PARD3B: variants seen among roughly 807,000 people sequenced by gnomAD.
The protein encoded by PARD3B is par-3 family cell polarity regulator beta.
Under a neutral mutation model 130.2 loss-of-function variants are expected in PARD3B, and 103 were observed. The ratio of observed to expected loss-of-function variants is 0.79; its 90% CI spans 0.67 to 0.93. The LOEUF (loss-of-function observed/expected upper bound fraction) is 0.93, where lower values mean the gene tolerates loss of function less well. PARD3B is among the 40% of genes least tolerant of loss of function. The probability of loss-of-function intolerance (pLI) is 0.00; values close to 1 mark genes in which losing one functional copy is unlikely to be tolerated. For synonymous variants in PARD3B, 583 were observed against 553.2 expected, an observed-to-expected ratio of 1.05 and a Z score of -0.76; for missense variants, 1,609 against 1,499.2, an observed-to-expected ratio of 1.07 and a Z score of -1.21.
chr2:205,088,544 C>T lies in PARD3B; in HGVS notation c.505-15882C>T, dbSNP rs181160668. Among the ~76,000 whole-genome samples, 6 of 152,222 alleles carry T rather than the reference C, an allele frequency of 3.9e-5. No homozygotes were observed. The East Asian group carries it at 1.2e-3, about 29-fold the overall frequency. On this transcript the variant is annotated intron_variant, in intron 4 of 22. Coordinates refer to ENST00000406610, the MANE Select transcript of PARD3B (RefSeq NM_001302769.2). ...CCATTTGGACCATAGCCACAGAATT[C>T]AGAGGAAGAGAAAACTATGTTAAGT...
In PARD3B at chr2:204,675,900, TG is replaced by T. The variant is rs556976382; in HGVS notation, c.121-10280del. 2.6e-3 allele frequency among the ~76,000 whole-genome samples: 401 copies of T among 152,334 alleles called. No homozygotes were observed. Among genetic ancestry groups the T allele is most frequent in the Non-Finnish European group, 5.0e-3 (340 of 68,022 alleles). Reference sequence around the variant, plus strand: ...TGGTGCTTTTATATTGCAATTATTTTGTTTAGAATTATACATCAGAAGAAAA... The same window carrying T: ...TGGTGCTTTTATATTGCAATTATTTTTTTAGAATTATACATCAGAAGAAAA... On this transcript the variant is annotated intron_variant, in intron 1 of 22. Coordinates refer to ENST00000406610, the MANE Select transcript of PARD3B (RefSeq NM_001302769.2). The surrounding 1 kb of genome is among the most constrained non-coding windows in gnomAD (Gnocchi z 4.4).
intron 22 of PARD3B, among the ~76,000 whole-genome samples, chr2:205,557,986 A>C (rs187015227): frequency 6.6e-6 from 1 of 152,274 alleles, no homozygotes; most frequent in African/African-American, 2.4e-5. Context: ...CAGCACCTGC[A>C]TGGGGATATG....
intron 2 of PARD3B, among the ~76,000 whole-genome samples, chr2:204,755,723 A>G (rs946507644): frequency 2.0e-5 from 3 of 152,130 alleles, no homozygotes; most frequent in Non-Finnish European, 2.9e-5. Flanking sequence ...TTTCAGGGCC[A>G]AGAGTTATTC....
At chr2:204,875,943 G>A (rs1170381813) in intron 2 of PARD3B, among the ~76,000 whole-genome samples, 3 of 152,156 alleles carry the variant, frequency 2.0e-5, no homozygotes, top group African/African-American at 7.2e-5. Flanking sequence ...GTAGGCTTTC[G>A]TCAAAGCCTC....
intron 22 of PARD3B, among the ~76,000 whole-genome samples, chr2:205,565,502 T>G (rs1455666074): frequency 6.6e-6 from 1 of 152,226 alleles, no homozygotes; most frequent in African/African-American, 2.4e-5. Flanking sequence ...CTGGATGTGG[T>G]ATCTGTAATG....
intron 19 of PARD3B, among the ~76,000 whole-genome samples, chr2:205,425,605 G>A (rs1325102217): frequency 6.6e-6 from 1 of 151,254 alleles, no homozygotes; most frequent in Non-Finnish European, 1.5e-5. Flanking sequence ...CTTGGTTCCA[G>A]GCCATGTAGG....
At position 205,176,501 on chromosome 2, in the gene PARD3B, T is replaced by C; in HGVS notation, c.1848T>C (p.Ala616=). 1 of 1,612,940 alleles carries C rather than the reference T, an allele frequency of 6.2e-7. No individual in the cohort carries two copies. Residue 616 remains alanine (A), a synonymous_variant, in exon 13 of 23, where the codon GCT becomes GCC. Transcript: ENST00000406610. This position sits in a 1 kb window ranked among gnomAD's most constrained non-coding sequence, Gnocchi z 5.3. ...SKPCFENCQN[A]VTTSRRNDNS... is the part of the protein sequence containing the mutation. ...CATGCTTTGAGAACTGTCAAAATGC[T>C]GTAACCACCTCTAGGCGAAATGATA...
chr2:204,734,447 T>A (rs763642042), intron 2 of PARD3B, among the ~76,000 whole-genome samples: 23 of 152,172 alleles, frequency 1.5e-4, no homozygotes, highest in Non-Finnish European at 2.9e-4. Context: ...CAAATAGCAG[T>A]AAGTGAATGT....
intron 20 of PARD3B, among the ~76,000 whole-genome samples, chr2:205,488,671 G>A (rs772664333): frequency 2.6e-5 from 4 of 152,226 alleles, no homozygotes; most frequent in Admixed American, 6.5e-5. Context: ...ATCCTTAAAC[G>A]CTGAAATGAT....
chr2:204,924,099 A>T (rs1687402771), intron 2 of PARD3B, among the ~76,000 whole-genome samples: 1 of 152,072 alleles, frequency 6.6e-6, no homozygotes, highest in Non-Finnish European at 1.5e-5. Flanking sequence ...TGAGCAAATC[A>T]GATCTTATGA....
chr2:205,197,787 T>C (rs969813406), intron 15 of PARD3B, among the ~76,000 whole-genome samples: 18 of 152,182 alleles, frequency 1.2e-4, no homozygotes, highest in African/African-American at 3.6e-4. Flanking sequence ...TTTTCCCTAT[T>C]TATTTAAATT....
chr2:204,857,163 C>A (rs560186805), intron 2 of PARD3B, among the ~76,000 whole-genome samples: 1 of 152,312 alleles, frequency 6.6e-6, no homozygotes, highest in African/African-American at 2.4e-5. Flanking sequence ...TGCTGCATAT[C>A]AATCCCCTGG....
chr2:204,732,170 A>T (rs73059099), intron 2 of PARD3B, among the ~76,000 whole-genome samples: 3 of 151,946 alleles, frequency 2.0e-5, no homozygotes, highest in African/African-American at 7.3e-5. Flanking sequence ...CTTATTAGAT[A>T]TAAAGCATTC....
rs1000250783 is a variant in PARD3B at position 204,878,022 on chromosome 2, T to C, written c.223-87130T>C. Among the ~76,000 whole-genome samples, 4 of 152,326 alleles carry C rather than the reference T, an allele frequency of 2.6e-5. No individual in the cohort carries two copies. The East Asian group carries it at 7.7e-4, about 29-fold the overall frequency. On this transcript the variant is annotated intron_variant, in intron 2 of 22. Coordinates refer to ENST00000406610, the MANE Select transcript of PARD3B (RefSeq NM_001302769.2). ...AAAAAGCTGCCTCTGCCCTTCATTA[T>C]CACTATGTATCATAGTTTTTAAAAT...
In PARD3B at chr2:205,355,134, C is replaced by T. The variant is rs191590201; in HGVS notation, c.2631-45879C>T. Among the ~76,000 whole-genome samples, 261 of 152,288 alleles carry T rather than the reference C, an allele frequency of 1.7e-3. 1 individual carries two copies. Among genetic ancestry groups the T allele is most frequent in the Non-Finnish European group, 2.7e-3 (185 of 68,024 alleles). Reference sequence around the variant, plus strand: ...AGTTAGAAGGGCCCATAGAAGTGCTCACCATTGGATTAATACTTTGCTGTT... The same window carrying T: ...AGTTAGAAGGGCCCATAGAAGTGCTTACCATTGGATTAATACTTTGCTGTT... On this transcript the variant is annotated intron_variant, in intron 18 of 22. Coordinates refer to ENST00000406610, the MANE Select transcript of PARD3B (RefSeq NM_001302769.2).
intron 20 of PARD3B, among the ~76,000 whole-genome samples, chr2:205,486,290 A>G (rs994520530): frequency 6.6e-6 from 1 of 152,188 alleles, no homozygotes; most frequent in Non-Finnish European, 1.5e-5. Context: ...GCTGTCTGCT[A>G]TTCTGTACAC....
chr2:205,576,875 C>G (rs2053778874), intron 22 of PARD3B, among the ~76,000 whole-genome samples: 1 of 152,158 alleles, frequency 6.6e-6, no homozygotes, highest in South Asian at 2.1e-4. Context: ...ATCTGTAGAT[C>G]AAGTTGGGAA....
rs902829797 is a variant in PARD3B, at chr2:204,799,200, T to C, written c.222+112918T>C. ...CACCACAAGCTGCCTGAAAAGCCCATGGGCCTCGAGGGAACATCTGCAGTA... is the reference window on the plus strand; with the variant it reads ...CACCACAAGCTGCCTGAAAAGCCCACGGGCCTCGAGGGAACATCTGCAGTA... On this transcript the variant is annotated intron_variant, in intron 2 of 22. Transcript: ENST00000406610. This position sits in a 1 kb window ranked among gnomAD's most constrained non-coding sequence, Gnocchi z 4.1. Among the ~76,000 whole-genome samples the C allele has an allele frequency of 1.3e-5, 2 of 152,052 alleles. No individual in the cohort carries two copies. The highest frequency in any genetic ancestry group is 2.4e-5 in the African/African-American group (1 of 41,392).
intron 3 of PARD3B, among the ~76,000 whole-genome samples, chr2:205,023,343 A>G (rs1000860830): frequency 1.3e-5 from 2 of 152,098 alleles, no homozygotes; most frequent in Admixed American, 1.3e-4. Flanking sequence ...CTGCTTAGAC[A>G]GGTCCCCACC....
Sources: allele counts gnomAD v4.1 joint callset (sites outside exome capture counted in the v4.1 genomes callset), GRCh38; gene constraint gnomAD v4.1.1; non-coding constraint Gnocchi (gnomAD v3.1); transcripts MANE v1.5; gene names NCBI Gene and HGNC (gene_info 2026-07-23, HGNC 2026-07-21).